LINGO2: variants seen among roughly 807,000 people sequenced by gnomAD.
LINGO2 encodes leucine rich repeat and Ig domain containing 2.
Under a neutral mutation model 30.6 loss-of-function variants are expected in LINGO2, and 14 were observed. That is an observed-to-expected ratio of 0.46 (90% CI 0.30 to 0.72). The LOEUF is 0.72. Among genes scored for constraint, LINGO2 ranks in the 30% least tolerant of loss-of-function variants. The pLI is 0.07. For missense variants in LINGO2, 729 were observed against 751.7 expected (o/e 0.97, Z 0.35); for synonymous variants, 317 against 288.5 (o/e 1.10, Z -1.00).
intron 1 of LINGO2, among the ~76,000 whole-genome samples, chr9:28,568,227 A>T (rs1257400398): frequency 1.3e-5 from 2 of 152,098 alleles, no homozygotes; most frequent in African/African-American, 2.4e-5. Flanking sequence ...GACAAAGAGA[A>T]AAAAACAAAT....
chr9:28,706,571 A>T, the LINGO2 span, among the ~76,000 whole-genome samples: 1 of 152,272 alleles, frequency 6.6e-6, no homozygotes, highest in East Asian at 1.9e-4. Flanking sequence ...TCAACTTTTG[A>T]AGCTTTAAAA....
the LINGO2 span, among the ~76,000 whole-genome samples, chr9:29,155,015 T>C: frequency 1.3e-5 from 2 of 152,252 alleles, no homozygotes; most frequent in African/African-American, 4.8e-5. Flanking sequence ...AAAAGAGCAA[T>C]AGTAATAATG....
intron 1 of LINGO2, chr9:28,599,017 T>C (rs1325828646): frequency 1.3e-5 from 2 of 152,232 alleles, no homozygotes; most frequent in Non-Finnish European, 2.9e-5. Flanking sequence ...GGTTTATGAA[T>C]AGTTGTTGCT....
At chr9:28,040,049 T>C (rs552791778) in intron 4 of LINGO2, among the ~76,000 whole-genome samples, 2 of 152,344 alleles carry the variant, frequency 1.3e-5, no homozygotes, top group African/African-American at 2.4e-5. Flanking sequence ...ACTATTTTCA[T>C]CCTGGGAGAC....
the LINGO2 span, among the ~76,000 whole-genome samples, chr9:29,160,974 A>G: frequency 6.6e-6 from 1 of 152,258 alleles, no homozygotes; most frequent in South Asian, 2.1e-4. Context: ...CACAGGGCTC[A>G]GTTCAGCATG....
At chr9:29,073,547 T>C in the LINGO2 span, among the ~76,000 whole-genome samples, 4 of 152,196 alleles carry the variant, frequency 2.6e-5, no homozygotes, top group Non-Finnish European at 5.9e-5. Context: ...GAAACTCAAA[T>C]TTAAGCGTCA....
chr9:28,459,987 T>C (rs549958696), intron 2 of LINGO2, among the ~76,000 whole-genome samples: 36 of 152,300 alleles, frequency 2.4e-4, no homozygotes, highest in Non-Finnish European at 3.7e-4. Context: ...TGTTTTTTCA[T>C]AAACTGAATA....
chr9:29,043,610 G>A, the LINGO2 span, among the ~76,000 whole-genome samples: 1 of 151,942 alleles, frequency 6.6e-6, no homozygotes, highest in Non-Finnish European at 1.5e-5. Flanking sequence ...TTACTAAGTA[G>A]TGCCTGCCTG....
the LINGO2 span, among the ~76,000 whole-genome samples, chr9:29,188,568 C>G: frequency 6.6e-6 from 1 of 152,182 alleles, no homozygotes; most frequent in Non-Finnish European, 1.5e-5. Flanking sequence ...CATCATGGCC[C>G]GTTCTCAATG....
intron 1 of LINGO2, among the ~76,000 whole-genome samples, chr9:28,557,132 C>G (rs893923830): frequency 1.3e-5 from 2 of 152,196 alleles, no homozygotes; most frequent in African/African-American, 4.8e-5. Context: ...GCAACAAAGA[C>G]AAAATTGACA....
At chr9:29,026,207 G>A in the LINGO2 span, among the ~76,000 whole-genome samples, 2 of 151,734 alleles carry the variant, frequency 1.3e-5, no homozygotes, top group East Asian at 3.9e-4. Context: ...TAATCATTTT[G>A]ATTTTCAGTA....
chr9:28,368,174 T>C (rs1820751436), intron 3 of LINGO2, among the ~76,000 whole-genome samples: 1 of 152,184 alleles, frequency 6.6e-6, no homozygotes, highest in Admixed American at 6.5e-5. Context: ...TGCATTGTCT[T>C]ATTTTTTTTC....
At chr9:28,290,365 AC>A (rs1264471241) in intron 4 of LINGO2, among the ~76,000 whole-genome samples, 1 of 152,124 alleles carries the variant, frequency 6.6e-6, no homozygotes, top group Non-Finnish European at 1.5e-5. Context: ...ATTGCAGTGC[AC>A]TCGGCAAGAC....
intron 4 of LINGO2, among the ~76,000 whole-genome samples, chr9:28,174,950 C>T (rs62560763): frequency 7.4e-6 from 1 of 135,818 alleles, no homozygotes; most frequent in Non-Finnish European, 1.6e-5. Flanking sequence ...GAGAGAGAGA[C>T]AGACAGAGAG....
chr9:28,891,847 A>T, the LINGO2 span, among the ~76,000 whole-genome samples: 3 of 151,988 alleles, frequency 2.0e-5, no homozygotes, highest in Non-Finnish European at 4.4e-5. Flanking sequence ...ACAGAGCAAC[A>T]TATTTTAGAA....
intron 1 of LINGO2, among the ~76,000 whole-genome samples, chr9:28,625,581 G>A (rs1826623849): frequency 6.6e-6 from 1 of 152,086 alleles, no homozygotes; most frequent in Non-Finnish European, 1.5e-5. Flanking sequence ...ATCTCTATGA[G>A]TATGTTCTCT....
At chr9:28,063,436 T>TA (rs11403863) in intron 4 of LINGO2, among the ~76,000 whole-genome samples, 3 of 202 alleles carry the variant, frequency 0.015, no homozygotes, top group Non-Finnish European at 0.05. Context: ...ATTATCCACA[T>TA]TTTTTTTTTT....
chr9:29,085,424 C>A, the LINGO2 span, among the ~76,000 whole-genome samples: 1 of 97,600 alleles, frequency 1.0e-5, no homozygotes, highest in South Asian at 3.6e-4. Flanking sequence ...GTATCACAGT[C>A]TAACCTAAGC....
intron 4 of LINGO2, among the ~76,000 whole-genome samples, chr9:28,133,317 A>C (rs995337862): frequency 1.3e-5 from 2 of 152,188 alleles, no homozygotes; most frequent in Non-Finnish European, 2.9e-5. Flanking sequence ...TGGGTGATCT[A>C]TTACTGTAGT....
Sources: allele counts gnomAD v4.1 joint callset (sites outside exome capture counted in the v4.1 genomes callset), GRCh38; gene constraint gnomAD v4.1.1; transcripts MANE v1.5; gene names NCBI Gene and HGNC (gene_info 2026-07-23, HGNC 2026-07-21).